The following RNF180 variants were observed in gnomAD, a reference collection of about 807,000 sequenced individuals.
The protein encoded by RNF180 is ring finger protein 180.
RNF180 carries 38 observed loss-of-function variants against 59.2 expected under a neutral mutation model. That is an observed-to-expected ratio of 0.64 (90% CI 0.50 to 0.84). The LOEUF is 0.84. RNF180 is among the 40% of genes least tolerant of loss of function. The pLI is 0.00. For synonymous variants in RNF180, 262 were observed against 240.3 expected, an observed-to-expected ratio of 1.09 and a Z score of -0.84; for missense variants, 705 against 700.9, an observed-to-expected ratio of 1.01 and a Z score of -0.07.
chr5:64,167,714 G>A (rs1045207330), intron 1 of RNF180, among the ~76,000 whole-genome samples: 2 of 152,068 alleles, frequency 1.3e-5, no homozygotes, highest in African/African-American at 4.8e-5. Context: ...TCATTAAGGA[G>A]CATAAAGATT....
At chr5:64,359,556 T>C (rs1293145049) in intron 7 of RNF180, among the ~76,000 whole-genome samples, 6 of 152,080 alleles carry the variant, frequency 3.9e-5, no homozygotes, top group Middle Eastern at 3.4e-3. Context: ...GATGAGTAGG[T>C]TGTGAAAATG....
At chr5:64,275,553 T>G (rs999538454) in intron 5 of RNF180, among the ~76,000 whole-genome samples, 2 of 151,844 alleles carry the variant, frequency 1.3e-5, no homozygotes, top group Non-Finnish European at 2.9e-5. Context: ...TTAAGTTATT[T>G]ATACATAATA....
chr5:64,200,743 A>G, intron 1 of RNF180, 65 bp from the exon 2 acceptor site: 1 of 1,383,258 alleles, frequency 7.2e-7, no homozygotes, highest in East Asian at 2.3e-5. Flanking sequence ...TGCCATGTTA[A>G]GGATTTAGAA....
chr5:64,285,463 G>C (rs181561488), intron 5 of RNF180, among the ~76,000 whole-genome samples: 67 of 150,818 alleles, frequency 4.4e-4, no homozygotes, highest in African/African-American at 1.5e-3. Flanking sequence ...GAGTTTGGCT[G>C]CAGGCAAGTG....
At chr5:64,194,365 T>C (rs1180858388) in intron 1 of RNF180, among the ~76,000 whole-genome samples, 1 of 152,224 alleles carries the variant, frequency 6.6e-6, no homozygotes, top group South Asian at 2.1e-4. Flanking sequence ...TAGTATTCCA[T>C]GGTGTATATG....
chr5:64,212,784 C>T (rs1280177394), intron 3 of RNF180, among the ~76,000 whole-genome samples: 4 of 152,134 alleles, frequency 2.6e-5, no homozygotes, highest in African/African-American at 9.7e-5. Flanking sequence ...TTCAAAACTC[C>T]TGTCTTAGAA....
intron 1 of RNF180, among the ~76,000 whole-genome samples, chr5:64,176,219 C>G (rs1459542461): frequency 6.6e-6 from 1 of 152,154 alleles, no homozygotes; most frequent in Non-Finnish European, 1.5e-5. Context: ...TCGTATATAT[C>G]TAGGAATTTG....
chr5:64,353,172 A>T (rs1003647791), intron 7 of RNF180, among the ~76,000 whole-genome samples: 4 of 151,862 alleles, frequency 2.6e-5, no homozygotes, highest in African/African-American at 9.7e-5. Flanking sequence ...TAAATAGACT[A>T]ATTGGTAATA....
intron 7 of RNF180, among the ~76,000 whole-genome samples, chr5:64,336,903 A>G (rs1455493044): frequency 6.6e-6 from 1 of 151,912 alleles, no homozygotes; most frequent in Non-Finnish European, 1.5e-5. Context: ...TAACTTTGAT[A>G]TAATTAAATG....
chr5:64,214,403 C>G lies in RNF180; in HGVS notation c.1077C>G (p.His359Gln). Reference protein sequence around the residue: ...EEHLSPLDFLHSANFSLGSIN... With the variant: ...EEHLSPLDFLQSANFSLGSIN... ...ACCTCTCCCCTCTGGACTTCCTGCA[C>G]TCAGCCAATTTTTCATTGGGCAGCA... The change falls in exon 4 of 8, where the codon CAC becomes CAG. Residue 359 changes from histidine (H) to glutamine (Q), a missense_variant. His to Gln is a conservative substitution (Grantham distance 24). Transcript: ENST00000389100. 1 of 1,614,052 alleles carries G rather than the reference C, an allele frequency of 6.2e-7. No homozygotes were observed. Among genetic ancestry groups the G allele is most frequent in the Non-Finnish European group, 8.5e-7 (1 of 1,180,010 alleles).
At chr5:64,203,446 C>A (rs1388487431) in intron 2 of RNF180, among the ~76,000 whole-genome samples, 1 of 152,054 alleles carries the variant, frequency 6.6e-6, no homozygotes, top group Non-Finnish European at 1.5e-5. Flanking sequence ...ATTTTCATTA[C>A]CCCATAAAGT....
chr5:64,358,973 T>G (rs1353313277), intron 7 of RNF180, among the ~76,000 whole-genome samples: 1 of 151,720 alleles, frequency 6.6e-6, no homozygotes, highest in African/African-American at 2.4e-5. Context: ...CTCATCATTT[T>G]TTATGGCTGC....
Position 64,229,886 on chromosome 5 carries a change from T to C in RNF180, c.1227+12490T>C, listed in dbSNP as rs1742001212. On this transcript the variant is annotated intron_variant, in intron 5 of 7. Coordinates refer to ENST00000389100, the MANE Select transcript of RNF180 (RefSeq NM_001113561.2). Reference sequence around the variant, plus strand: ...ATATACATTGATGTTTAGCAGAGTTTCTTAACTTGGGTTTGATAAATCATC... The same window carrying C: ...ATATACATTGATGTTTAGCAGAGTTCCTTAACTTGGGTTTGATAAATCATC... Among the ~76,000 whole-genome samples, 4 of 152,252 alleles carry C rather than the reference T, an allele frequency of 2.6e-5. No homozygotes were observed. The South Asian group carries it at 8.3e-4, about 31-fold the overall frequency.
rs1203437674 is a variant in RNF180, at chr5:64,283,187, G to C, written c.1228-41999G>C. On this transcript the variant is annotated intron_variant, in intron 5 of 7. Transcript: ENST00000389100. ...TTATGAATCTGGGTGCTCCAGTATTGGGTGCATGTGTATTTAGGATAGATA... is the reference window on the plus strand; with the variant it reads ...TTATGAATCTGGGTGCTCCAGTATTCGGTGCATGTGTATTTAGGATAGATA... 5.3e-5 allele frequency among the ~76,000 whole-genome samples: 8 copies of C among 152,156 alleles called. 1 individual carries two copies.
intron 5 of RNF180, among the ~76,000 whole-genome samples, chr5:64,291,526 A>G (rs886079521): frequency 7.1e-6 from 1 of 141,170 alleles, no homozygotes; most frequent in Non-Finnish European, 1.5e-5. Flanking sequence ...CCGGGTTCAC[A>G]CCATTCTCCT....
intron 5 of RNF180, among the ~76,000 whole-genome samples, chr5:64,219,517 A>T (rs1451913175): frequency 6.6e-6 from 1 of 151,646 alleles, no homozygotes; most frequent in Non-Finnish European, 1.5e-5. Context: ...AATGAGGATA[A>T]CATTTTTTTT....
At chr5:64,329,924 G>A (rs935673156) in intron 6 of RNF180, among the ~76,000 whole-genome samples, 1 of 152,170 alleles carries the variant, frequency 6.6e-6, no homozygotes, top group Non-Finnish European at 1.5e-5. Flanking sequence ...ACAGGCCATG[G>A]ACTGCTACCC....
intron 1 of RNF180, among the ~76,000 whole-genome samples, chr5:64,199,662 G>A (rs992659681): frequency 1.8e-4 from 27 of 152,216 alleles, no homozygotes; most frequent in Admixed American, 1.3e-4. Context: ...GGACGAATGA[G>A]AACTGAATGA....
chr5:64,316,900 C>G (rs528898408), intron 5 of RNF180, among the ~76,000 whole-genome samples: 1 of 152,224 alleles, frequency 6.6e-6, no homozygotes, highest in East Asian at 1.9e-4. Flanking sequence ...CCCTTCACAC[C>G]CCCTGGCAAA....
Sources: gnomAD v4.1 joint callset for allele counts (sites outside exome capture counted in the v4.1 genomes callset) on GRCh38, gnomAD v4.1.1 for gene constraint, MANE v1.5 for transcripts, NCBI Gene and HGNC (gene_info 2026-07-23, HGNC 2026-07-21) for gene names.